The following NLRP11 variants were observed in gnomAD, a reference collection of about 807,000 sequenced individuals.
The protein encoded by NLRP11 is NACHT, LRR and PYD domains-containing protein 11.
A neutral mutation model predicts 79.3 loss-of-function variants in NLRP11; 53 were observed. The ratio of observed to expected loss-of-function variants is 0.67; its 90% confidence interval spans 0.54 to 0.84. The LOEUF (loss-of-function observed/expected upper bound fraction) is 0.84, where lower values mean the gene tolerates loss of function less well. Among genes scored for constraint, NLRP11 ranks in the 40% least tolerant of loss-of-function variants. NLRP11 has a pLI of 0.00. For synonymous variants in NLRP11, 518 were observed against 462.6 expected (o/e 1.12, Z -1.54); for missense variants, 1,264 against 1,255.0 (o/e 1.01, Z -0.11).
chr19:55,795,695 G>A (rs571467867), intron 6 of NLRP11, among the ~76,000 whole-genome samples: 161 of 152,010 alleles, frequency 1.1e-3, no homozygotes, highest in African/African-American at 3.6e-3. Flanking sequence ...TCACTGTGTT[G>A]GCCAGGCTGG....
Position 55,809,656 on chromosome 19 carries a change from C to T in NLRP11, c.954G>A (p.Arg318=), listed in dbSNP as rs370194293. The T allele has an allele frequency of 1.2e-6, 2 of 1,613,632 alleles. No homozygotes were observed. The highest frequency in any genetic ancestry group is 1.7e-6 in the Non-Finnish European group (2 of 1,179,884). Residue 318 remains arginine, a synonymous_variant, in exon 3 of 10, where the codon AGG becomes AGA. Coordinates refer to ENST00000589093, the Ensembl canonical transcript of NLRP11. This position sits in a 1 kb window ranked among gnomAD's most constrained non-coding sequence, Gnocchi z 4.5. ...GTACAAGCTGGAGGGCTGCCGACGC[C>T]CTCTGGCGGTCTTTAAAGAAAGAGT...
chr19:55,835,338 C>A (rs569606559), upstream of NLRP11, among the ~76,000 whole-genome samples: 5 of 152,356 alleles, frequency 3.3e-5, no homozygotes, highest in Admixed American at 3.3e-4. Context: ...GATGAAATCT[C>A]GACCTTGCGT....
At chr19:55,805,322 T>C (rs1326363482) in intron 4 of NLRP11, among the ~76,000 whole-genome samples, 1 of 151,742 alleles carries the variant, frequency 6.6e-6, no homozygotes, top group African/African-American at 2.4e-5. Context: ...CCTTGGAGGA[T>C]TGAGGATCCT....
upstream of NLRP11, among the ~76,000 whole-genome samples, chr19:55,835,808 C>G (rs1222772854): frequency 3.0e-4 from 40 of 131,898 alleles, no homozygotes; most frequent in East Asian, 6.7e-4. Flanking sequence ...CATGGTGAAA[C>G]CCTGTCTCTA....
In NLRP11 at chr19:55,809,573, C is replaced by T. The variant is rs753087032; in HGVS notation, c.1037G>A (p.Cys346Tyr). ...GTCCATCTGCCGCTTCAGGACAGTA[C>T]ACGTGATCCAGCATAAGATGGCGAC... The change falls in exon 3 of 10, where the codon TGT becomes TAT. Residue 346 changes from cysteine to tyrosine, a missense_variant. Coordinates refer to ENST00000589093, the Ensembl canonical transcript of NLRP11. The surrounding 1 kb of genome is among the most constrained non-coding windows in gnomAD (Gnocchi z 4.5). 1.2e-6 allele frequency: 2 copies of T among 1,614,190 alleles called. No homozygotes were observed. Among genetic ancestry groups the T allele is most frequent in the South Asian group, 1.1e-5 (1 of 91,080 alleles).
intron 1 of NLRP11, among the ~76,000 whole-genome samples, chr19:55,825,089 G>C (rs1233544796): frequency 6.4e-5 from 1 of 15,594 alleles, no homozygotes; most frequent in African/African-American, 1.3e-3. Context: ...AATCAAACTA[G>C]AACTCAGGAT....
intron 1 of NLRP11, 59 bp from the exon 2 acceptor site, chr19:55,818,295 G>T: frequency 1.3e-6 from 1 of 749,286 alleles, no homozygotes; most frequent in Non-Finnish European, 2.1e-6. Flanking sequence ...TTCATCCAAA[G>T]CTAACATCCT....
At chr19:55,802,610 G>A (rs1979585229) in intron 4 of NLRP11, among the ~76,000 whole-genome samples, 1 of 152,176 alleles carries the variant, frequency 6.6e-6, no homozygotes, top group Non-Finnish European at 1.5e-5. Flanking sequence ...CAGATTCAAT[G>A]CTATTCCTAT....
intron 7 of NLRP11, 62 bp from the exon 8 acceptor site, chr19:55,789,461 A>C: frequency 1.4e-6 from 2 of 1,463,798 alleles, no homozygotes; most frequent in African/African-American, 2.8e-5. Context: ...TATTTCACAG[A>C]GTGTTAAGCA....
In NLRP11 at chr19:55,817,941, C is replaced by T. The variant is rs750404882; in HGVS notation, c.234G>A (p.Lys78=). The T allele has an allele frequency of 9.3e-6, 15 of 1,613,148 alleles. 1 individual carries two copies. Among genetic ancestry groups the T allele is most frequent in the Middle Eastern group, 3.3e-4 (2 of 6,082 alleles). Residue 78 remains lysine, a synonymous_variant, in exon 2 of 10, where the codon AAG becomes AAA. Coordinates refer to ENST00000589093, the Ensembl canonical transcript of NLRP11. ...CAATGATCTTCCTACAAAGATCTTC[C>T]TTACGCATCATTGAAAATATGCTGA...
intron 1 of NLRP11, among the ~76,000 whole-genome samples, chr19:55,828,507 C>T (rs1042807738): frequency 1.3e-5 from 2 of 152,154 alleles, no homozygotes; most frequent in Non-Finnish European, 2.9e-5. Context: ...CTCATTGCAA[C>T]AAATTTTAAA....
intron 4 of NLRP11, 98 bp downstream of exon 4, chr19:55,807,755 T>C (rs557148189): frequency 2.9e-5 from 23 of 782,942 alleles, no homozygotes; most frequent in Non-Finnish European, 4.7e-5. Flanking sequence ...GAGCCTGACC[T>C]GAAAGTGTGT....
intron 1 of NLRP11, among the ~76,000 whole-genome samples, chr19:55,829,233 A>T (rs2616944): frequency 0.087 from 13,225 of 151,696 alleles, 850 homozygotes; most frequent in East Asian, 0.23. Context: ...TATGAAGCAG[A>T]GTCACTAGGC....
At chr19:55,816,164 T>C (rs1418452375) in intron 2 of NLRP11, among the ~76,000 whole-genome samples, 1 of 152,184 alleles carries the variant, frequency 6.6e-6, no homozygotes, top group African/African-American at 2.4e-5. Context: ...TGTTCACCTA[T>C]AAGACACATA....
chr19:55,791,134 C>G (rs299186), intron 7 of NLRP11, among the ~76,000 whole-genome samples: 115,156 of 152,106 alleles, frequency 0.76, 43,912 homozygotes, highest in Admixed American at 0.81. Context: ...CTATGGGAGA[C>G]TTAAAAATAG....
intron 7 of NLRP11, among the ~76,000 whole-genome samples, chr19:55,791,166 C>T (rs1026485872): frequency 3.3e-4 from 50 of 152,080 alleles, no homozygotes; most frequent in Non-Finnish European, 7.3e-5. Flanking sequence ...ACATTATGGC[C>T]CACAAAGCCC....
At chr19:55,831,149 C>A (rs1470887495) in intron 1 of NLRP11, among the ~76,000 whole-genome samples, 1 of 134,574 alleles carries the variant, frequency 7.4e-6, no homozygotes. Context: ...TGAGCGGACC[C>A]CCTCCTGGCC....
chr19:55,797,095 C>G (rs1978989653), intron 5 of NLRP11, among the ~76,000 whole-genome samples: 1 of 152,176 alleles, frequency 6.6e-6, no homozygotes, highest in Non-Finnish European at 1.5e-5. Flanking sequence ...CTTATCTCTA[C>G]TTAGTGATTT....
chr19:55,822,409 G>A (rs1045273942), intron 1 of NLRP11, among the ~76,000 whole-genome samples: 1 of 152,232 alleles, frequency 6.6e-6, no homozygotes, highest in Non-Finnish European at 1.5e-5. Flanking sequence ...GCAGGGAGGA[G>A]CCAAGATGGC....
Sources: gnomAD v4.1 joint callset for allele counts (sites outside exome capture counted in the v4.1 genomes callset) on GRCh38, gnomAD v4.1.1 for gene constraint, Gnocchi (gnomAD v3.1) non-coding constraint, MANE v1.5 for transcripts, NCBI Gene and HGNC (gene_info 2026-07-23, HGNC 2026-07-21) for gene names.